GRB10: variants seen among roughly 807,000 people sequenced by gnomAD.
GRB10 encodes growth factor receptor bound protein 10, also known as growth factor receptor-bound protein 10.
Under a neutral mutation model 80.9 loss-of-function variants are expected in GRB10, and 20 were observed. The ratio of observed to expected loss-of-function variants is 0.25; its 90% confidence interval spans 0.17 to 0.36. GRB10 has a LOEUF of 0.36. GRB10 is among the 10% of genes least tolerant of loss of function. GRB10 has a pLI of 1.00. For synonymous variants in GRB10, 291 were observed against 291.5 expected (o/e 1.00, Z 0.02); for missense variants, 548 against 747.7 (o/e 0.73, Z 3.12).
chr7:50,626,123 T>C (rs1585898018), intron 8 of GRB10, among the ~76,000 whole-genome samples: 1 of 152,366 alleles, frequency 6.6e-6, no homozygotes, highest in Non-Finnish European at 1.5e-5. Flanking sequence ...AAAGCTTTTT[T>C]ACCTAAAATA....
intron 7 of GRB10, among the ~76,000 whole-genome samples, chr7:50,632,761 G>T (rs760446361): frequency 6.6e-6 from 1 of 152,140 alleles, no homozygotes; most frequent in African/African-American, 2.4e-5. Flanking sequence ...TACCTGCTGG[G>T]CTAAGCATCC....
At chr7:50,598,148 G>T (rs939517576) in intron 17 of GRB10, among the ~76,000 whole-genome samples, 2 of 152,192 alleles carry the variant, frequency 1.3e-5, no homozygotes, top group African/African-American at 4.8e-5. Context: ...ACAGGCATGA[G>T]CTACTGCACC....
intron 10 of GRB10, among the ~76,000 whole-genome samples, chr7:50,616,809 G>C (rs934043542): frequency 6.6e-6 from 1 of 152,114 alleles, no homozygotes; most frequent in African/African-American, 2.4e-5. Context: ...ATGTCCCCCT[G>C]TTCCAGCTAA....
chr7:50,700,061 C>T (rs1409420491), intron 5 of GRB10, among the ~76,000 whole-genome samples: 1 of 151,928 alleles, frequency 6.6e-6, no homozygotes, highest in African/African-American at 2.4e-5. Context: ...ATGGCACGAA[C>T]CCAGGTGGCA....
intron 2 of GRB10, among the ~76,000 whole-genome samples, chr7:50,774,322 T>C (rs1159899955): frequency 6.6e-6 from 1 of 152,234 alleles, no homozygotes; most frequent in African/African-American, 2.4e-5. Context: ...GAACACTATA[T>C]ACAATGTATG....
chr7:50,748,370 A>G (rs1339630200), intron 3 of GRB10, among the ~76,000 whole-genome samples: 1 of 152,264 alleles, frequency 6.6e-6, no homozygotes, highest in Non-Finnish European at 1.5e-5. Context: ...ACGAGTGGGC[A>G]CCACAACAGC....
chr7:50,775,179 A>AAAAAAAAAAAAAAAAAAC (rs1562689445), intron 2 of GRB10, among the ~76,000 whole-genome samples: 7 of 148,692 alleles, frequency 4.7e-5, no homozygotes, highest in South Asian at 2.1e-4. Flanking sequence ...AAAAACAAAA[A>AAAAAAAAAAAAAAAAAAC]AAAACAGTGG....
chr7:50,688,780 C>T (rs1291778643), intron 5 of GRB10, among the ~76,000 whole-genome samples: 2 of 61,306 alleles, frequency 3.3e-5, no homozygotes, highest in African/African-American at 8.9e-5. Context: ...GGGTGGGGGT[C>T]GGGTGGGTGA....
intron 1 of GRB10, among the ~76,000 whole-genome samples, chr7:50,790,348 T>G (rs1222994574): frequency 6.6e-6 from 1 of 152,228 alleles, no homozygotes; most frequent in Non-Finnish European, 1.5e-5. Context: ...CCCACACTTC[T>G]GTACTTCTAC....
chr7:50,678,342 G>A (rs2061172406), intron 5 of GRB10, among the ~76,000 whole-genome samples: 1 of 152,146 alleles, frequency 6.6e-6, no homozygotes, highest in Admixed American at 6.5e-5. Context: ...TTTCAACAAA[G>A]CCAGGTCAAT....
At chr7:50,643,587 G>A (rs1475913590) in intron 7 of GRB10, among the ~76,000 whole-genome samples, 1 of 152,200 alleles carries the variant, frequency 6.6e-6, no homozygotes, top group Non-Finnish European at 1.5e-5. Flanking sequence ...AACGAGGTCT[G>A]TAGATTTCAA....
intron 7 of GRB10, among the ~76,000 whole-genome samples, chr7:50,638,016 T>C (rs1464334310): frequency 6.6e-6 from 1 of 152,180 alleles, no homozygotes; most frequent in Non-Finnish European, 1.5e-5. Flanking sequence ...TCTCTATCCA[T>C]ACAAACTAAA....
chr7:50,667,182 C>A lies in GRB10; in HGVS notation c.504+2540G>T, dbSNP rs75199162. ...GAAGTTTAAATATCTCTACTTTTTC[C>A]TCCCGTTGCCTTCTTCATGAATCTG... On this transcript the variant is annotated intron_variant, in intron 7 of 18. Coordinates refer to ENST00000401949, the MANE Select transcript of GRB10 (RefSeq NM_001350814.2). Among the ~76,000 whole-genome samples, 1,508 of 152,038 alleles carry A rather than the reference C, an allele frequency of 9.9e-3. 21 individuals are homozygous for A. The highest frequency in any genetic ancestry group is 0.034 in the African/African-American group (1,414 of 41,466).
intron 4 of GRB10, among the ~76,000 whole-genome samples, chr7:50,709,107 C>A (rs1366906022): frequency 6.6e-6 from 1 of 152,234 alleles, no homozygotes; most frequent in African/African-American, 2.4e-5. Context: ...TGAACTTTCC[C>A]AAATCCACAT....
At chr7:50,783,165 C>T (rs1040737877), upstream of GRB10, among the ~76,000 whole-genome samples, 5 of 152,226 alleles carry the variant, frequency 3.3e-5, no homozygotes, top group Admixed American at 3.3e-4. Context: ...CTAGAGATGC[C>T]GCCTGCTCGA....
chr7:50,689,642 C>A (rs548409208), intron 5 of GRB10, among the ~76,000 whole-genome samples: 1 of 152,222 alleles, frequency 6.6e-6, no homozygotes, highest in African/African-American at 2.4e-5. Flanking sequence ...TGCAAATGTG[C>A]ACACAGTGTC....
At chr7:50,617,921 T>TC (rs796597678) in intron 10 of GRB10, 150 bp downstream of exon 10, 18 of 735,150 alleles carry the variant, frequency 2.4e-5, no homozygotes, top group African/African-American at 5.2e-5. Context: ...CTCTAAACCC[T>TC]CCCCCCAACC....
At chr7:50,671,073 G>A (rs1049271848) in intron 6 of GRB10, among the ~76,000 whole-genome samples, 5 of 152,192 alleles carry the variant, frequency 3.3e-5, no homozygotes, top group Admixed American at 2.6e-4. Flanking sequence ...AATGTCAAGT[G>A]TCTGGCACCT....
At chr7:50,769,604 G>A (rs985938681) in intron 2 of GRB10, among the ~76,000 whole-genome samples, 1 of 152,144 alleles carries the variant, frequency 6.6e-6, no homozygotes, top group African/African-American at 2.4e-5. Context: ...TGGTTCAGGG[G>A]TCTCTGAGCA....
Sources: gnomAD v4.1 joint callset for allele counts (sites outside exome capture counted in the v4.1 genomes callset) on GRCh38, gnomAD v4.1.1 for gene constraint, MANE v1.5 for transcripts, NCBI Gene and HGNC (gene_info 2026-07-23, HGNC 2026-07-21) for gene names.